Variants in EPHA6 observed in about 807,000 individuals in gnomAD.
EPHA6 encodes EPH receptor A6.
Under a neutral mutation model 112.0 loss-of-function variants are expected in EPHA6, and 50 were observed. The ratio of observed to expected loss-of-function variants is 0.45; its 90% CI spans 0.36 to 0.56. EPHA6 has a LOEUF of 0.56. Ranked by LOEUF, EPHA6 falls within the 20% of genes least tolerant of loss-of-function variation. The probability of loss-of-function intolerance (pLI) is 0.00; values close to 1 mark genes in which losing one functional copy is unlikely to be tolerated. For synonymous variants in EPHA6, 529 were observed against 490.7 expected, an observed-to-expected ratio of 1.08 and a Z score of -1.03; for missense variants, 1,280 against 1,417.4, an observed-to-expected ratio of 0.90 and a Z score of 1.56.
At chr3:97,050,195 T>C (rs916504669) in intron 3 of EPHA6, among the ~76,000 whole-genome samples, 1 of 152,084 alleles carries the variant, frequency 6.6e-6, no homozygotes, top group Non-Finnish European at 1.5e-5. Context: ...CTCTGAAAAG[T>C]TCATGGTGGG....
chr3:97,268,038 G>A (rs2079748077), intron 5 of EPHA6, among the ~76,000 whole-genome samples: 1 of 152,154 alleles, frequency 6.6e-6, no homozygotes, highest in South Asian at 2.1e-4. Flanking sequence ...TGATAATTTA[G>A]TGATTTGGGA....
At chr3:97,685,708 G>A (rs1341557715) in intron 14 of EPHA6, among the ~76,000 whole-genome samples, 1 of 152,144 alleles carries the variant, frequency 6.6e-6, no homozygotes, top group Non-Finnish European at 1.5e-5. Flanking sequence ...TAACTTCAAA[G>A]TAGTGGACAA....
chr3:97,549,169 AT>A (rs2092996823), intron 11 of EPHA6, among the ~76,000 whole-genome samples: 1 of 152,222 alleles, frequency 6.6e-6, no homozygotes, highest in South Asian at 2.1e-4. Context: ...TTATTAAAAA[AT>A]GTTTACTATA....
chr3:97,473,053 T>C (rs541610882), intron 7 of EPHA6, among the ~76,000 whole-genome samples: 1 of 151,922 alleles, frequency 6.6e-6, no homozygotes, highest in South Asian at 2.1e-4. Flanking sequence ...TCCTATTAAA[T>C]AAATAATGAC....
At chr3:97,162,156 CAAG>C (rs2076429550) in intron 3 of EPHA6, among the ~76,000 whole-genome samples, 2 of 152,298 alleles carry the variant, frequency 1.3e-5, no homozygotes, top group South Asian at 4.1e-4. Flanking sequence ...GTCAAATAGT[CAAG>C]TTGGTTGCAG....
chr3:97,708,897 C>A (rs1009681331), intron 14 of EPHA6, among the ~76,000 whole-genome samples: 1 of 152,144 alleles, frequency 6.6e-6, no homozygotes, highest in African/African-American at 2.4e-5. Flanking sequence ...TGCAGGTGTG[C>A]AGAAGACAAG....
At chr3:97,666,140 T>A (rs1376079977) in intron 14 of EPHA6, among the ~76,000 whole-genome samples, 1 of 152,116 alleles carries the variant, frequency 6.6e-6, no homozygotes, top group East Asian at 1.9e-4. Context: ...CAGCCCTAGA[T>A]AACACATTTT....
At chr3:97,455,626 G>A (rs1223049088) in intron 7 of EPHA6, among the ~76,000 whole-genome samples, 4 of 151,778 alleles carry the variant, frequency 2.6e-5, no homozygotes, top group East Asian at 3.9e-4. Flanking sequence ...GAATATAAGC[G>A]GATTTTCAGA....
At chr3:97,028,176 G>A (rs1306652389) in intron 3 of EPHA6, among the ~76,000 whole-genome samples, 2 of 152,144 alleles carry the variant, frequency 1.3e-5, no homozygotes, top group Non-Finnish European at 2.9e-5. Context: ...ATAGAGAGGA[G>A]AAACCCAAAG....
intron 3 of EPHA6, among the ~76,000 whole-genome samples, chr3:97,147,261 C>A (rs747849017): frequency 1.1e-4 from 16 of 152,072 alleles, no homozygotes; most frequent in Non-Finnish European, 2.1e-4. Context: ...TTCATTTGGG[C>A]ACATCTAATT....
chr3:96,974,408 GT>G (rs1448765874), intron 2 of EPHA6, among the ~76,000 whole-genome samples: 1 of 149,906 alleles, frequency 6.7e-6, no homozygotes, highest in Non-Finnish European at 1.5e-5. Flanking sequence ...TCTGTACTAA[GT>G]TGGTCAGTTT....
chr3:97,390,528 A>G (rs2086339026), intron 5 of EPHA6, among the ~76,000 whole-genome samples: 1 of 151,768 alleles, frequency 6.6e-6, no homozygotes, highest in Non-Finnish European at 1.5e-5. Flanking sequence ...AATTATGAAT[A>G]ATATAATTAT....
chr3:97,025,451 G>C (rs1295167734), intron 3 of EPHA6, among the ~76,000 whole-genome samples: 1 of 152,050 alleles, frequency 6.6e-6, no homozygotes, highest in South Asian at 2.1e-4. Flanking sequence ...TGTTCATTCT[G>C]TTAACAGTTT....
At chr3:97,357,785 T>C (rs945575949) in intron 5 of EPHA6, among the ~76,000 whole-genome samples, 3 of 152,218 alleles carry the variant, frequency 2.0e-5, no homozygotes, top group Non-Finnish European at 4.4e-5. Context: ...TTGTATACTA[T>C]ATTCTAATAA....
At chr3:97,598,756 T>C (rs1014367757) in intron 12 of EPHA6, among the ~76,000 whole-genome samples, 1 of 151,462 alleles carries the variant, frequency 6.6e-6, no homozygotes, top group Admixed American at 6.6e-5. Flanking sequence ...AGCAGCATGA[T>C]TTATAGTCAT....
chr3:97,049,616 A>G (rs2045622055), intron 3 of EPHA6, among the ~76,000 whole-genome samples: 1 of 152,206 alleles, frequency 6.6e-6, no homozygotes, highest in Admixed American at 6.5e-5. Flanking sequence ...TTGGGTCACC[A>G]TAAAGGAATG....
At chr3:97,639,577 A>G (rs1247213071) in intron 14 of EPHA6, among the ~76,000 whole-genome samples, 1 of 152,170 alleles carries the variant, frequency 6.6e-6, no homozygotes, top group Non-Finnish European at 1.5e-5. Flanking sequence ...TGTGGCAGTA[A>G]GCCTATATAA....
chr3:97,015,165 G>T (rs1044333556), intron 3 of EPHA6, among the ~76,000 whole-genome samples: 1 of 152,056 alleles, frequency 6.6e-6, no homozygotes, highest in Non-Finnish European at 1.5e-5. Flanking sequence ...GTAAAGGCCT[G>T]TGTGAAAAAA....
chr3:97,555,925 A>G (rs998389436), intron 11 of EPHA6, among the ~76,000 whole-genome samples: 1 of 151,938 alleles, frequency 6.6e-6, no homozygotes, highest in African/African-American at 2.4e-5. Flanking sequence ...GAAGCTCTTT[A>G]GTTTAATTAA....
Sources: gnomAD v4.1 joint callset for allele counts (sites outside exome capture counted in the v4.1 genomes callset) on GRCh38, gnomAD v4.1.1 for gene constraint, MANE v1.5 for transcripts, NCBI Gene and HGNC (gene_info 2026-07-23, HGNC 2026-07-21) for gene names.